The following NLRP7 variants were observed in gnomAD, a reference collection of about 807,000 sequenced individuals.
The protein encoded by NLRP7 is NACHT, LRR and PYD domains-containing protein 7.
Under a neutral mutation model 85.5 loss-of-function variants are expected in NLRP7, and 72 were observed. That is an observed-to-expected ratio of 0.84 (90% CI 0.70 to 1.02). The LOEUF is 1.02. Among genes scored for constraint, NLRP7 ranks in the 50% least tolerant of loss-of-function variants. The probability of loss-of-function intolerance (pLI) is 0.00; values close to 1 mark genes in which losing one functional copy is unlikely to be tolerated. For missense variants in NLRP7, 1,243 were observed against 1,219.5 expected (o/e 1.02, Z -0.29); for synonymous variants, 550 against 505.2 (o/e 1.09, Z -1.19).
chr19:54,930,057 G>A (rs1460672751), intron 9 of NLRP7, among the ~76,000 whole-genome samples: 2 of 146,690 alleles, frequency 1.4e-5, no homozygotes, highest in Non-Finnish European at 3.0e-5. Flanking sequence ...AGAGGTTGCA[G>A]TAAGCCGAGA....
intron 3 of NLRP7, 22 bp downstream of exon 3, chr19:54,940,909 C>A: frequency 6.8e-7 from 1 of 1,465,978 alleles, no homozygotes; most frequent in East Asian, 2.3e-5. Flanking sequence ...AAACTCATGA[C>A]CATAGGACCG....
chr19:54,931,444 C>A (rs2068672702), intron 8 of NLRP7, among the ~76,000 whole-genome samples: 1 of 152,074 alleles, frequency 6.6e-6, no homozygotes, highest in Admixed American at 6.6e-5. Flanking sequence ...AATCTCAGCA[C>A]TTTGGGAGGC....
rs1343090203 is a variant in NLRP7 at position 54,934,950 on chromosome 19, G to A, written c.2301-291C>T. Among the ~76,000 whole-genome samples the A allele has an allele frequency of 2.6e-5, 4 of 152,086 alleles. No individual in the cohort carries two copies. Among genetic ancestry groups the A allele is most frequent in the Admixed American group, 1.3e-4 (2 of 15,256 alleles). On this transcript the variant is annotated intron_variant, in intron 6 of 9. Coordinates refer to ENST00000340844, the Ensembl canonical transcript of NLRP7. The surrounding 1 kb of genome is among the most constrained non-coding windows in gnomAD (Gnocchi z 6.7). The stretch of plus-strand genomic sequence containing the variant: ...GACCTCAGGTGATCCACCCACCTTG[G>A]CCTACCGAAGTACTGGGATTACAGG...
chr19:54,957,469 C>T (rs138343807), intron 1 of NLRP7, among the ~76,000 whole-genome samples: 1,925 of 151,746 alleles, frequency 0.013, 40 homozygotes, highest in African/African-American at 0.043. Flanking sequence ...CCTCAGCCTC[C>T]GGAGTAGCTG....
chr19:54,961,439 A>C (rs1055043406), intron 1 of NLRP7, among the ~76,000 whole-genome samples: 11 of 152,008 alleles, frequency 7.2e-5, no homozygotes, highest in African/African-American at 2.7e-4. Context: ...CAGAGGTTGC[A>C]GTGAGCCAAG....
At chr19:54,933,853 T>TG in intron 7 of NLRP7, 114 bp from the exon 8 acceptor site, 1 of 915,360 alleles carries the variant, frequency 1.1e-6, no homozygotes, top group African/African-American at 1.6e-5. Flanking sequence ...GTTCATCCCC[T>TG]GCCCTCTGTC....
intron 8 of NLRP7, among the ~76,000 whole-genome samples, chr19:54,933,058 C>T (rs377492475): frequency 1.3e-5 from 2 of 152,218 alleles, no homozygotes; most frequent in Non-Finnish European, 2.9e-5. Context: ...GAACCAACTA[C>T]TCATCTCAAA....
chr19:54,934,401 G>A lies in NLRP7; in HGVS notation c.2471+88C>T, dbSNP rs560030995. 2.0e-4 allele frequency: 266 copies of A among 1,335,578 alleles called. 1 individual carries two copies. Among genetic ancestry groups the A allele is most frequent in the East Asian group, 1.2e-3 (54 of 43,630 alleles). 82.7% of individuals were successfully genotyped at this position (1,335,578 alleles called of 1,614,324 possible). A position where few individuals can be genotyped will look rare whatever the true frequency, so the allele number is the denominator to read the frequency against. ...TGTTTATTTCAGCAAGAGGCGCCAC[G>A]TGGGTGGCGCAGTAAGTCAGGTGTT... On this transcript the variant is annotated intron_variant, in intron 7 of 9. Transcript: ENST00000340844. The surrounding 1 kb of genome is among the most constrained non-coding windows in gnomAD (Gnocchi z 6.7).
intron 6 of NLRP7, among the ~76,000 whole-genome samples, chr19:54,935,874 C>G (rs1281656515): frequency 6.6e-6 from 1 of 151,914 alleles, no homozygotes; most frequent in Non-Finnish European, 1.5e-5. Context: ...GATCTGAGAT[C>G]GAACAGTTTC....
At chr19:54,957,843 T>C (rs761563341) in intron 1 of NLRP7, among the ~76,000 whole-genome samples, 9 of 152,100 alleles carry the variant, frequency 5.9e-5, no homozygotes, top group Non-Finnish European at 1.0e-4. Context: ...TTTTCTCTCC[T>C]CCACACTGGA....
rs558894599 is a variant in NLRP7 at position 54,962,597 on chromosome 19, CTTTTTTGT to C, written c.-77+3435_-77+3442del. 6.8e-5 allele frequency among the ~76,000 whole-genome samples: 10 copies of C among 146,238 alleles called. 1 individual carries two copies. The South Asian group carries it at 2.1e-3, about 30-fold the overall frequency. ...CTCATTTTCTTTTCTTTCTTTCTTTCTTTTTTGTTTGTTTGTTTTTGAGACAGAGTCTT... is the reference window on the plus strand; with the variant it reads ...CTCATTTTCTTTTCTTTCTTTCTTTCTTGTTTGTTTTTGAGACAGAGTCTT... On this transcript the variant is annotated intron_variant, in intron 1 of 2. Transcript: ENST00000587103.
At chr19:54,953,085 G>GA (rs141854154) in intron 1 of NLRP7, 8,619 of 146,040 alleles carry the variant, frequency 0.059, 304 homozygotes, top group African/African-American at 0.091. Flanking sequence ...GCAGTAAAAA[G>GA]AAAAAAAAAA....
At chr19:54,965,541 C>T (rs1235907887) in intron 1 of NLRP7, among the ~76,000 whole-genome samples, 1 of 92,644 alleles carries the variant, frequency 1.1e-5, no homozygotes, top group African/African-American at 4.6e-5. Flanking sequence ...CTGCAAGCTC[C>T]GCCTCCCGGG....
intron 1 of NLRP7, among the ~76,000 whole-genome samples, chr19:54,963,942 G>A (rs1436976309): frequency 1.3e-5 from 2 of 148,810 alleles, no homozygotes; most frequent in Non-Finnish European, 3.0e-5. Flanking sequence ...GTGCAGTGGT[G>A]CGGTCTCGGC....
chr19:54,950,646 C>G (rs565876981), upstream of NLRP7, among the ~76,000 whole-genome samples: 11 of 151,900 alleles, frequency 7.2e-5, no homozygotes, highest in South Asian at 1.3e-3. Flanking sequence ...TATTGCTGCC[C>G]GCATGTCCCA....
chr19:54,957,346 C>CTTTTTTT (rs369473061), intron 1 of NLRP7, among the ~76,000 whole-genome samples: 1 of 128,060 alleles, frequency 7.8e-6, no homozygotes, highest in African/African-American at 3.1e-5. Context: ...TCTTCTTCTT[C>CTTTTTTT]TTTTTTTTTT....
Position 54,934,652 on chromosome 19 carries a change from C to T in NLRP7, c.2308G>A (p.Gly770Ser), listed in dbSNP as rs749216956. 5.0e-6 allele frequency: 8 copies of T among 1,612,962 alleles called. No homozygotes were observed. Among genetic ancestry groups the T allele is most frequent in the Non-Finnish European group, 6.8e-6 (8 of 1,179,580 alleles). ...CACTGCTCCGGGGTGGCACAGTGAC[C>T]TCCCAACCTGTGAAAAGAGTGGGAA... Residue 770 changes from glycine (G) to serine (S), a missense_variant, in exon 7 of 10, where the codon GGT (glycine) becomes AGT (serine). This residue lies in a region of NLRP7 where 613 missense variants were observed against 588.4 expected (regional missense o/e 1.04). Coordinates refer to ENST00000340844, the Ensembl canonical transcript of NLRP7. This position sits in a 1 kb window ranked among gnomAD's most constrained non-coding sequence, Gnocchi z 6.7.
intron 1 of NLRP7, among the ~76,000 whole-genome samples, chr19:54,964,723 G>A (rs1429239832): frequency 6.9e-6 from 1 of 144,542 alleles, no homozygotes; most frequent in African/African-American, 2.6e-5. Context: ...CTACTCGGGA[G>A]GCTGAGGCAG....
chr19:54,951,589 T>A (rs2069670934), upstream of NLRP7, among the ~76,000 whole-genome samples: 2 of 151,600 alleles, frequency 1.3e-5, no homozygotes, highest in South Asian at 4.2e-4. Flanking sequence ...AAACAAAAAA[T>A]GAAAACCCAC....
Sources: allele counts gnomAD v4.1 joint callset (sites outside exome capture counted in the v4.1 genomes callset), GRCh38; gene constraint gnomAD v4.1.1; regional missense constraint gnomAD v4.1.1; non-coding constraint Gnocchi (gnomAD v3.1); transcripts MANE v1.5; gene names NCBI Gene and HGNC (gene_info 2026-07-23, HGNC 2026-07-21).